The following TENM4 variants were observed in gnomAD, a reference collection of about 807,000 sequenced individuals.
TENM4 encodes teneurin transmembrane protein 4.
In TENM4, 82 loss-of-function variants were observed where a neutral mutation model predicts 243.3. That is an observed-to-expected ratio of 0.34 (90% CI 0.28 to 0.40). The LOEUF is 0.40. Among genes scored for constraint, TENM4 ranks in the 10% least tolerant of loss-of-function variants. The pLI, the probability that TENM4 is intolerant of heterozygous loss-of-function variation, is 1.00. For missense variants in TENM4, 3,138 were observed against 3,673.3 expected, an observed-to-expected ratio of 0.85 and a Z score of 3.77; for synonymous variants, 1,412 against 1,456.3, an observed-to-expected ratio of 0.97 and a Z score of 0.69.
At chr11:79,303,961 C>A (rs944853145) in intron 1 of TENM4, among the ~76,000 whole-genome samples, 3 of 152,094 alleles carry the variant, frequency 2.0e-5, no homozygotes, top group African/African-American at 4.8e-5. Context: ...GAAACCAGGG[C>A]AGAAGCCCAG....
At chr11:78,778,343 C>T (rs1856777319) in intron 17 of TENM4, among the ~76,000 whole-genome samples, 1 of 150,830 alleles carries the variant, frequency 6.6e-6, no homozygotes, top group African/African-American at 2.4e-5. Flanking sequence ...GAGGGAAAAA[C>T]AAAAGTACAA....
At position 78,669,781 on chromosome 11, in the gene TENM4, ATTGGCGTAGGGTCC is replaced by A. The variant is rs1858269080; in HGVS notation, c.6550_6563del (p.Gly2184TyrfsTer7). 6.2e-7 allele frequency: 1 copy of A among 1,613,786 alleles called. No individual in the cohort carries two copies. Among genetic ancestry groups the A allele is most frequent in the African/African-American group, 1.3e-5 (1 of 74,870 alleles). ...CATACTCATAGGAGTAGCGAGTGGT[ATTGGCGTAGGGTCC>A]TACCTTCAGCTCCTTCTTCACTACT... On this transcript the variant is annotated frameshift_variant, in exon 32 of 34. Transcript: ENST00000278550. LOFTEE classifies it high-confidence loss of function. The surrounding 1 kb of genome is among the most constrained non-coding windows in gnomAD (Gnocchi z 6.4).
intron 6 of TENM4, among the ~76,000 whole-genome samples, chr11:78,960,015 C>T (rs1159795089): frequency 1.3e-5 from 2 of 152,024 alleles, no homozygotes; most frequent in Non-Finnish European, 2.9e-5. Context: ...TTGTGACACT[C>T]CTAAAATCAG....
chr11:79,273,635 G>T (rs940701853), intron 2 of TENM4, among the ~76,000 whole-genome samples: 5 of 152,170 alleles, frequency 3.3e-5, no homozygotes, highest in Admixed American at 3.3e-4. Flanking sequence ...GTACACGGTG[G>T]AGCCGGGCCT....
At chr11:78,748,222 A>G (rs1475778857) in intron 19 of TENM4, among the ~76,000 whole-genome samples, 1 of 152,228 alleles carries the variant, frequency 6.6e-6, no homozygotes, top group Non-Finnish European at 1.5e-5. Flanking sequence ...ACTTAAATGA[A>G]TGCTTACTGC....
chr11:79,281,139 T>A (rs1856150358), intron 2 of TENM4, among the ~76,000 whole-genome samples: 1 of 152,196 alleles, frequency 6.6e-6, no homozygotes, highest in African/African-American at 2.4e-5. Context: ...TCCGGGAGCT[T>A]CCTTGTTCAC....
chr11:79,222,090 G>A (rs577043), intron 2 of TENM4, among the ~76,000 whole-genome samples: 37,113 of 152,244 alleles, frequency 0.24, 6,121 homozygotes, highest in Non-Finnish European at 0.36. Flanking sequence ...TAGGTGTGCT[G>A]TGAAAATCTG....
intron 2 of TENM4, among the ~76,000 whole-genome samples, chr11:79,238,664 TTCTCTCTCTC>T (rs61547277): frequency 6.7e-6 from 1 of 149,654 alleles, no homozygotes; most frequent in Non-Finnish European, 1.5e-5. Flanking sequence ...ATAAATCTCT[TTCTCTCTCTC>T]TCTCTCTCTC....
At chr11:78,987,521 G>A (rs969809838) in intron 6 of TENM4, among the ~76,000 whole-genome samples, 4 of 152,184 alleles carry the variant, frequency 2.6e-5, no homozygotes, top group South Asian at 2.1e-4. Context: ...AATCTTATAC[G>A]TTTGCTAAAA....
At chr11:78,777,887 C>A (rs1490386301) in intron 17 of TENM4, among the ~76,000 whole-genome samples, 2 of 152,160 alleles carry the variant, frequency 1.3e-5, no homozygotes, top group Non-Finnish European at 2.9e-5. Context: ...GTTCTTAGAG[C>A]TATGTGGCCT....
chr11:79,012,196 C>T (rs1858664033), intron 6 of TENM4, among the ~76,000 whole-genome samples: 1 of 152,202 alleles, frequency 6.6e-6, no homozygotes, highest in Non-Finnish European at 1.5e-5. Flanking sequence ...TAGAAAGACT[C>T]AGAAAAGTCA....
intron 18 of TENM4, 149 bp downstream of exon 18, chr11:78,770,843 C>T: frequency 1.1e-6 from 1 of 936,346 alleles, no homozygotes; most frequent in Non-Finnish European, 1.6e-6. Flanking sequence ...CATCCCTAAG[C>T]CACATGTGCA....
At chr11:78,830,009 G>A (rs536200571) in intron 12 of TENM4, among the ~76,000 whole-genome samples, 18 of 152,298 alleles carry the variant, frequency 1.2e-4, no homozygotes, top group Middle Eastern at 6.8e-3. Flanking sequence ...CAGTGAGTCC[G>A]TGTGAGATGA....
intron 6 of TENM4, among the ~76,000 whole-genome samples, chr11:78,979,108 G>T (rs529060375): frequency 6.6e-6 from 1 of 152,266 alleles, no homozygotes; most frequent in East Asian, 1.9e-4. Context: ...AGGCTGGGAG[G>T]GGTGGCTGGT....
intron 3 of TENM4, among the ~76,000 whole-genome samples, chr11:79,183,124 T>G (rs1565239312): frequency 6.6e-6 from 1 of 152,204 alleles, no homozygotes; most frequent in Non-Finnish European, 1.5e-5. Flanking sequence ...TATAGTACTT[T>G]TATTAATAAT....
chr11:78,756,313 C>A (rs75900979), intron 19 of TENM4: 10,733 of 177,578 alleles, frequency 0.06, 1,237 homozygotes, highest in African/African-American at 0.24. Flanking sequence ...AAAGGACCTG[C>A]CACAGACCTC....
chr11:78,957,560 A>ATTGGT (rs1857232845), intron 6 of TENM4, among the ~76,000 whole-genome samples: 10 of 152,348 alleles, frequency 6.6e-5, no homozygotes, highest in Admixed American at 6.5e-4. Flanking sequence ...CCCATTTAGA[A>ATTGGT]AGAAAAATAA....
At chr11:79,305,384 G>A (rs186872289) in intron 1 of TENM4, among the ~76,000 whole-genome samples, 2 of 151,776 alleles carry the variant, frequency 1.3e-5, no homozygotes, top group Admixed American at 1.3e-4. Flanking sequence ...ACTAATCATG[G>A]TTAATAAGAC....
At chr11:78,999,645 C>T (rs1328465317) in intron 6 of TENM4, among the ~76,000 whole-genome samples, 1 of 152,014 alleles carries the variant, frequency 6.6e-6, no homozygotes, top group Non-Finnish European at 1.5e-5. Context: ...CTGAAGTGTC[C>T]AGTTTTCAAC....
Sources: gnomAD v4.1 joint callset for allele counts (sites outside exome capture counted in the v4.1 genomes callset) on GRCh38, gnomAD v4.1.1 for gene constraint, Gnocchi (gnomAD v3.1) non-coding constraint, MANE v1.5 for transcripts, NCBI Gene and HGNC (gene_info 2026-07-23, HGNC 2026-07-21) for gene names.